Variants in PHKA1 observed in about 807,000 individuals in gnomAD.
PHKA1 encodes phosphorylase kinase regulatory subunit alpha 1.
In PHKA1, 60 loss-of-function variants were observed where a neutral mutation model predicts 110.2. The observed-to-expected ratio is 0.54, with a 90% CI of 0.44 to 0.68. PHKA1 has a LOEUF of 0.68. Among genes scored for constraint, PHKA1 ranks in the 30% least tolerant of loss-of-function variants. The probability of loss-of-function intolerance (pLI) is 0.00; values close to 1 mark genes in which losing one functional copy is unlikely to be tolerated. For missense variants in PHKA1, 801 were observed against 942.5 expected (o/e 0.85, Z 1.97); for synonymous variants, 316 against 333.6 (o/e 0.95, Z 0.58).
intron 5 of PHKA1, among the ~76,000 whole-genome samples, chrX:72,682,473 G>A (rs1332393629): frequency 9.9e-5 from 11 of 111,141 alleles, no homozygotes; most frequent in Admixed American, 2.8e-4. Flanking sequence ...GCGGCTTTGT[G>A]GAATAGAAAG....
chrX:72,623,320 C>T, intron 17 of PHKA1, 45 bp from the exon 18 acceptor site: 1 of 1,046,195 alleles, frequency 9.6e-7, no homozygotes, highest in Non-Finnish European at 1.3e-6. Context: ...AGGGGTGATC[C>T]TTTTTAAACA....
Position 72,584,275 on chromosome X carries a change from C to T in PHKA1, c.3271G>A (p.Val1091Ile). The T allele has an allele frequency of 3.3e-6, 4 of 1,207,623 alleles. No homozygotes were observed. Among genetic ancestry groups the T allele is most frequent in the South Asian group, 1.8e-5 (1 of 56,750 alleles). ...KCHGLSVEGFVLPSSTTREMT... is the reference protein window; with the variant it reads ...KCHGLSVEGFILPSSTTREMT... ...TCTCTAGTGGTAGAGGAAGGAAGGA[C>T]AAACCCTTCAACAGAAAGTCCGTGA... Residue 1091 changes from valine to isoleucine, a missense_variant, in exon 30 of 32, where the codon GTC (valine) becomes ATC (isoleucine). Transcript: ENST00000373542.
At chrX:72,691,975 A>C (rs1556322326) in intron 4 of PHKA1, among the ~76,000 whole-genome samples, 1 of 112,188 alleles carries the variant, frequency 8.9e-6, no homozygotes, top group African/African-American at 3.2e-5. Context: ...TTCACCATCA[A>C]ATGTCATGTT....
At chrX:72,587,340 A>G (rs930646744) in intron 29 of PHKA1, among the ~76,000 whole-genome samples, 1 of 111,640 alleles carries the variant, frequency 9.0e-6, no homozygotes, top group South Asian at 3.8e-4. Flanking sequence ...ACTAAGCTTC[A>G]TAAGTGAAGG....
chrX:72,606,166 T>C (rs2147682236), intron 23 of PHKA1, among the ~76,000 whole-genome samples: 1 of 111,777 alleles, frequency 8.9e-6, no homozygotes, highest in South Asian at 3.7e-4. Context: ...ATACAATACA[T>C]TGTTGTTAAC....
intron 14 of PHKA1, 39 bp from the exon 15 acceptor site, chrX:72,636,425 G>T: frequency 1.2e-6 from 1 of 832,161 alleles, no homozygotes; most frequent in Non-Finnish European, 1.8e-6. Context: ...TATTTCTAGA[G>T]CACAAATCAA....
chrX:72,693,570 T>C (rs1279897881), intron 4 of PHKA1, among the ~76,000 whole-genome samples: 1 of 111,596 alleles, frequency 9.0e-6, no homozygotes, highest in African/African-American at 3.3e-5. Context: ...TAGCCTTTGA[T>C]CTTCTTAGTT....
At chrX:72,695,301 A>G (rs1407291701) in intron 4 of PHKA1, among the ~76,000 whole-genome samples, 1 of 111,964 alleles carries the variant, frequency 8.9e-6, no homozygotes, top group Non-Finnish European at 1.9e-5. Flanking sequence ...TCCCTTTCTC[A>G]GGTAAAGCAT....
At chrX:72,638,802 T>A (rs782709624) in intron 14 of PHKA1, among the ~76,000 whole-genome samples, 12 of 112,117 alleles carry the variant, frequency 1.1e-4, no homozygotes, top group Non-Finnish European at 2.3e-4. Context: ...AATGCAATTT[T>A]TGTCTCCGTA....
In PHKA1 at chrX:72,623,154, G is replaced by A. The variant is rs1418911499; in HGVS notation, c.1915C>T (p.Leu639=). 1.7e-6 allele frequency: 2 copies of A among 1,209,058 alleles called. No homozygotes were observed. The highest frequency in any genetic ancestry group is 3.0e-5 in the East Asian group (1 of 33,752). Residue 639 remains leucine (L), a synonymous_variant, in exon 18 of 32, where the codon CTG becomes TTG. Transcript: ENST00000373542. ...SEDYDDNYDY[L]ESGNWMNDYD... ...TCATTCATCCAGTTGCCAGATTCCA[G>A]GTAATCATAGTTGTCATCATAATCT...
chrX:72,636,812 G>T, intron 14 of PHKA1, among the ~76,000 whole-genome samples: 1 of 111,129 alleles, frequency 9.0e-6, no homozygotes, highest in African/African-American at 3.3e-5. Context: ...TTATTTTTTT[G>T]ACTAGAACAC....
At chrX:72,602,527 C>T (rs1208537927) in intron 26 of PHKA1, among the ~76,000 whole-genome samples, 4 of 111,189 alleles carry the variant, frequency 3.6e-5, no homozygotes, top group Admixed American at 9.6e-5. Context: ...CTTCTTGAAA[C>T]GCACTGCTTT....
chrX:72,636,258 T>C lies in PHKA1; in HGVS notation c.1569+19A>G, dbSNP rs782239480. 30 of 930,222 alleles carry C rather than the reference T, an allele frequency of 3.2e-5. No homozygotes were observed. In the African/African-American group the frequency reaches 5.6e-4, roughly 17 times the overall value. 76.7% of individuals were successfully genotyped at this position (930,222 alleles called of 1,213,427 possible). A position where few individuals can be genotyped will look rare whatever the true frequency, so the allele number is the denominator to read the frequency against. ...TATTTCCATTCATCTCAATGCACAT[T>C]CCAGTTTATTTCACCCACCTGTGGA... is the stretch of plus-strand genomic sequence containing the variant. On this transcript the variant is annotated intron_variant, in intron 15 of 31. Transcript: ENST00000373542.
At chrX:72,622,923 G>A (rs782798824) in intron 18 of PHKA1, 186 bp downstream of exon 18, 29 of 751,113 alleles carry the variant, frequency 3.9e-5, no homozygotes, top group East Asian at 1.5e-4. Context: ...CACAATTACC[G>A]CAGGAATATT....
intron 18 of PHKA1, chrX:72,621,895 C>T: frequency 1.3e-6 from 1 of 752,714 alleles, no homozygotes; most frequent in African/African-American, 2.3e-5. Context: ...AGGAAAGTGA[C>T]TCAGAATGCC....
Position 72,636,417 on chromosome X carries a change from T to C in PHKA1, c.1460-31A>G, listed in dbSNP as rs782773681. 2.4e-5 allele frequency: 21 copies of C among 875,856 alleles called. No individual in the cohort carries two copies. The African/African-American group carries it at 3.7e-4, about 16-fold the overall frequency. The allele number at this position is 875,856 out of a possible 1,213,427, so 72.2% of individuals were successfully genotyped here. A position where few individuals can be genotyped will look rare whatever the true frequency, so the allele number is the denominator to read the frequency against. ...ACAGAATTGAGAAATGGTAAAAATA[T>C]TTCTAGAGCACAAATCAAATCAGCA... On this transcript the variant is annotated intron_variant, in intron 14 of 31. Coordinates refer to ENST00000373542, the MANE Select transcript of PHKA1 (RefSeq NM_002637.4).
At chrX:72,689,083 G>C (rs2054002304) in intron 4 of PHKA1, 1 of 112,071 alleles carries the variant, frequency 8.9e-6, no homozygotes, top group South Asian at 3.7e-4. Flanking sequence ...CAGGGCTCCA[G>C]AAATGGAGCT....
At chrX:72,702,974 G>A (rs2054227085) in intron 3 of PHKA1, among the ~76,000 whole-genome samples, 1 of 111,566 alleles carries the variant, frequency 9.0e-6, no homozygotes, top group African/African-American at 3.3e-5. Context: ...ATAGTGGAGG[G>A]AGGCCTTGCT....
At position 72,579,761 on chromosome X, in the gene PHKA1, C is replaced by CACAT. The variant is rs1451287850; in HGVS notation, c.*1240_*1241insATGT. ...ATACACACACACACACACACACACA[C>CACAT]ATACACACACAAATATGTGTCTTTA... is the stretch of plus-strand genomic sequence containing the variant. On this transcript the variant is annotated 3_prime_UTR_variant, in exon 32 of 32. Coordinates refer to ENST00000373542, the MANE Select transcript of PHKA1 (RefSeq NM_002637.4). The CACAT allele has an allele frequency of 1.2e-3, 134 of 111,395 alleles. 2 individuals are homozygous for CACAT. Among genetic ancestry groups the CACAT allele is most frequent in the African/African-American group, 4.0e-3 (124 of 30,640 alleles). 9.2% of individuals were successfully genotyped at this position (111,395 alleles called of 1,213,427 possible).
Sources: allele counts gnomAD v4.1 joint callset (sites outside exome capture counted in the v4.1 genomes callset), GRCh38; gene constraint gnomAD v4.1.1; transcripts MANE v1.5; gene names NCBI Gene and HGNC (gene_info 2026-07-23, HGNC 2026-07-21).